Variants in PADI6 observed in about 807,000 individuals in gnomAD.
PADI6 encodes the protein inactive protein-arginine deiminase type-6.
In PADI6, 66 loss-of-function variants were observed where a neutral mutation model predicts 78.2. That is an observed-to-expected ratio of 0.84 (90% CI 0.69 to 1.04). The LOEUF is 1.04. Among genes scored for constraint, PADI6 ranks in the 50% least tolerant of loss-of-function variants. The probability of loss-of-function intolerance (pLI) is 0.00; values close to 1 mark genes in which losing one functional copy is unlikely to be tolerated. For synonymous variants in PADI6, 397 were observed against 346.9 expected (o/e 1.14, Z -1.60); for missense variants, 854 against 866.1 (o/e 0.99, Z 0.18).
intron 9 of PADI6, among the ~76,000 whole-genome samples, chr1:17,393,344 A>G (rs1035765454): frequency 2.0e-5 from 3 of 152,308 alleles, no homozygotes; most frequent in South Asian, 2.1e-4. Context: ...CCTCTGGCTA[A>G]GATGTAGGGA....
At chr1:17,372,964 G>A (rs994678001) in intron 1 of PADI6, 92 bp from the exon 2 acceptor site, 4 of 1,323,904 alleles carry the variant, frequency 3.0e-6, no homozygotes, top group Middle Eastern at 1.9e-4. Flanking sequence ...GGAGAATGAG[G>A]ATTCGGGAGC....
chr1:17,380,893 T>C (rs1243554358), intron 4 of PADI6, among the ~76,000 whole-genome samples, 154 bp from the exon 5 acceptor site: 5 of 152,188 alleles, frequency 3.3e-5, no homozygotes. Context: ...ATGACCTTCC[T>C]GTGCCTACAG....
At chr1:17,377,596 C>T (rs2075031604) in intron 3 of PADI6, among the ~76,000 whole-genome samples, 1 of 152,198 alleles carries the variant, frequency 6.6e-6, no homozygotes, top group African/African-American at 2.4e-5. Flanking sequence ...TTCTAGTAGT[C>T]CCTCCATCAC....
Position 17,375,441 on chromosome 1 carries a change from C to G in PADI6, c.309C>G (p.Tyr103Ter). 6.2e-7 allele frequency: 1 copy of G among 1,611,578 alleles called. No individual in the cohort carries two copies. Among genetic ancestry groups the G allele is most frequent in the Non-Finnish European group, 8.5e-7 (1 of 1,178,944 alleles). ...TGTCTCCACAGGTCTCGGTCACATA[C>G]TATGGGCCCAACGAGGATGCCCCCG... ...SVDADKVSVT[Y>*]YGPNEDAPVG... Residue 103 changes from tyrosine (Y) to a stop codon, truncating the protein, a stop_gained, in exon 3 of 16, where the codon TAC (tyrosine) becomes TAG (stop). Coordinates refer to ENST00000619609, the MANE Select transcript of PADI6 (RefSeq NM_207421.4). LOFTEE classifies it high-confidence loss of function.
rs1164859641 is a variant in PADI6, at chr1:17,394,454, G to A, written c.1337G>A (p.Ser446Asn). Residue 446 changes from serine (S) to asparagine (N), a missense_variant and splice_region_variant, in exon 11 of 16, where the codon AGC becomes AAC. Physicochemically the swap from Ser to Asn is conservative, Grantham distance 46. Coordinates refer to ENST00000619609, the MANE Select transcript of PADI6 (RefSeq NM_207421.4). Reference sequence around the variant, plus strand: ...CTCATTGGCAGCAGCTTTTACCCCAGGTGAGCCACAAAGCCAGACGCCTCC... The same window carrying A: ...CTCATTGGCAGCAGCTTTTACCCCAAGTGAGCCACAAAGCCAGACGCCTCC... Reference protein sequence around the residue: ...RVLIGSSFYPSAEGRAMSKTL... With the variant: ...RVLIGSSFYPNAEGRAMSKTL... 1 of 1,612,262 alleles carries A rather than the reference G, an allele frequency of 6.2e-7. No individual in the cohort carries two copies. The highest frequency in any genetic ancestry group is 1.3e-5 in the African/African-American group (1 of 75,020).
rs11803961 is a variant in PADI6 at position 17,387,439 on chromosome 1, C to T, written c.680-942C>T. Among the ~76,000 whole-genome samples the T allele has an allele frequency of 8.5e-3, 1,269 of 149,496 alleles. 9 individuals are homozygous for T. Among genetic ancestry groups the T allele is most frequent in the Admixed American group, 0.013 (189 of 14,976 alleles). ...TAGCCTGCTCAACAGAGCAGGACTCCACCTCAAAAAAGAAAAGGAGGGGGG... is the reference window on the plus strand; with the variant it reads ...TAGCCTGCTCAACAGAGCAGGACTCTACCTCAAAAAAGAAAAGGAGGGGGG... On this transcript the variant is annotated intron_variant, in intron 6 of 15. Coordinates refer to ENST00000619609, the MANE Select transcript of PADI6 (RefSeq NM_207421.4).
chr1:17,373,327 C>T (rs1448833268), intron 2 of PADI6, 94 bp downstream of exon 2: 4 of 1,423,294 alleles, frequency 2.8e-6, no homozygotes, highest in Admixed American at 3.9e-5. Flanking sequence ...TGACTCGAGC[C>T]TGGGAAACAC....
chr1:17,393,882 A>T (rs2075217240), intron 9 of PADI6, 93 bp from the exon 10 acceptor site: 2 of 1,117,888 alleles, frequency 1.8e-6, no homozygotes, highest in Admixed American at 3.8e-5. Context: ...AGGAGTTGGC[A>T]GGAAGGAAGG....
At chr1:17,377,313 C>T (rs552673238) in intron 3 of PADI6, among the ~76,000 whole-genome samples, 36 of 152,218 alleles carry the variant, frequency 2.4e-4, no homozygotes, top group African/African-American at 8.2e-4. Context: ...CACACTTGAA[C>T]GCTTCAGGGA....
intron 13 of PADI6, among the ~76,000 whole-genome samples, chr1:17,396,551 G>T (rs1475113603): frequency 6.6e-6 from 1 of 152,146 alleles, no homozygotes; most frequent in African/African-American, 2.4e-5. Context: ...AGCCTTTGGG[G>T]TTGGGGCCCG....
chr1:17,400,505 TG>T (rs1363889310), intron 15 of PADI6, among the ~76,000 whole-genome samples: 2 of 147,646 alleles, frequency 1.4e-5, no homozygotes, highest in Non-Finnish European at 3.0e-5. Context: ...AAAACTGTTT[TG>T]TTTTTTTGTT....
chr1:17,372,644 C>G (rs1380289523), intron 1 of PADI6, among the ~76,000 whole-genome samples: 6 of 152,074 alleles, frequency 3.9e-5, no homozygotes. Flanking sequence ...ACGCTGGCCT[C>G]GGGGGGCTGT....
At chr1:17,395,876 T>C (rs192268515) in intron 13 of PADI6, among the ~76,000 whole-genome samples, 1 of 152,236 alleles carries the variant, frequency 6.6e-6, no homozygotes, top group Admixed American at 6.5e-5. Flanking sequence ...TGGAGGCTGT[T>C]TGGATGTATT....
chr1:17,389,640 C>CT (rs2075162132), intron 8 of PADI6, among the ~76,000 whole-genome samples: 1 of 152,224 alleles, frequency 6.6e-6, no homozygotes, highest in Non-Finnish European at 1.5e-5. Flanking sequence ...GGAGCAGTCT[C>CT]TAGCTATGTA....
At chr1:17,374,689 C>CT (rs984815334) in intron 2 of PADI6, among the ~76,000 whole-genome samples, 1 of 152,202 alleles carries the variant, frequency 6.6e-6, no homozygotes, top group African/African-American at 2.4e-5. Context: ...TCCAGACTAC[C>CT]TGAGAACCAT....
At chr1:17,380,530 G>A (rs1163291233) in intron 4 of PADI6, among the ~76,000 whole-genome samples, 12 of 152,204 alleles carry the variant, frequency 7.9e-5, no homozygotes, top group Admixed American at 7.2e-4. Context: ...ACCATGCCTG[G>A]CTAGTTTTTT....
Position 17,401,552 on chromosome 1 carries a change from C to A in PADI6, c.*114C>A. 1.0e-6 allele frequency: 1 copy of A among 992,262 alleles called. No homozygotes were observed. 61.5% of individuals were successfully genotyped at this position (992,262 alleles called of 1,614,324 possible). On this transcript the variant is annotated 3_prime_UTR_variant, in exon 16 of 16. Coordinates refer to ENST00000619609, the MANE Select transcript of PADI6 (RefSeq NM_207421.4). ...GCTGGAGAGTCCAGGCAACAGAACC[C>A]TTTCTTCCCTGTCTGCCCCGACCGA...
intron 15 of PADI6, among the ~76,000 whole-genome samples, chr1:17,399,555 A>G (rs1379197673): frequency 6.6e-6 from 1 of 151,870 alleles, no homozygotes; most frequent in Non-Finnish European, 1.5e-5. Flanking sequence ...AGATCACTCC[A>G]TTGCACTCCA....
chr1:17,372,398 G>C (rs748548876), intron 1 of PADI6, 37 bp downstream of exon 1: 1 of 1,589,766 alleles, frequency 6.3e-7, no homozygotes, highest in Non-Finnish European at 8.6e-7. Flanking sequence ...GTGGCAGGCA[G>C]ACAGGCAGGC....
Sources: gnomAD v4.1 joint callset for allele counts (sites outside exome capture counted in the v4.1 genomes callset) on GRCh38, gnomAD v4.1.1 for gene constraint, MANE v1.5 for transcripts, NCBI Gene and HGNC (gene_info 2026-07-23, HGNC 2026-07-21) for gene names.